The following ADAM19 variants were observed in gnomAD, a reference collection of about 807,000 sequenced individuals.
ADAM19 encodes the protein ADAM metallopeptidase domain 19, also known as disintegrin and metalloproteinase domain-containing protein 19.
Under a neutral mutation model 114.7 loss-of-function variants are expected in ADAM19, and 65 were observed. The ratio of observed to expected loss-of-function variants is 0.57; its 90% CI spans 0.46 to 0.70. ADAM19 has a LOEUF of 0.70. Ranked by LOEUF, ADAM19 falls within the 30% of genes least tolerant of loss-of-function variation. ADAM19 has a pLI of 0.00. For synonymous variants in ADAM19, 466 were observed against 460.5 expected (o/e 1.01, Z -0.15); for missense variants, 1,063 against 1,204.7 (o/e 0.88, Z 1.74).
intron 19 of ADAM19, among the ~76,000 whole-genome samples, chr5:157,489,738 C>T (rs907158794): frequency 6.6e-6 from 1 of 152,236 alleles, no homozygotes; most frequent in Non-Finnish European, 1.5e-5. Context: ...GTAATCCCAG[C>T]ATTTTGGGAG....
intron 5 of ADAM19, among the ~76,000 whole-genome samples, chr5:157,529,255 C>G (rs1430080033): frequency 1.3e-5 from 2 of 150,038 alleles, no homozygotes; most frequent in Admixed American, 1.3e-4. Context: ...ATAGTACAGA[C>G]AATCAAAACC....
At chr5:157,503,186 T>A (rs1250431962) in intron 11 of ADAM19, among the ~76,000 whole-genome samples, 1 of 152,210 alleles carries the variant, frequency 6.6e-6, no homozygotes, top group Admixed American at 6.5e-5. Flanking sequence ...GTTCGTGTCC[T>A]TAGTAGGGAC....
chr5:157,530,105 T>C (rs11750135), intron 5 of ADAM19, among the ~76,000 whole-genome samples: 52,215 of 152,078 alleles, frequency 0.34, 9,575 homozygotes, highest in African/African-American at 0.47. Flanking sequence ...TTACTGACCA[T>C]AGAGGGACTG....
At chr5:157,510,472 C>CA (rs1420099017) in intron 8 of ADAM19, among the ~76,000 whole-genome samples, 13 of 150,378 alleles carry the variant, frequency 8.6e-5, no homozygotes, top group Admixed American at 4.6e-4. Context: ...AACTCCGTCT[C>CA]AAAAAAAAAT....
At chr5:157,535,521 T>G (rs1203863144) in intron 4 of ADAM19, among the ~76,000 whole-genome samples, 1 of 152,008 alleles carries the variant, frequency 6.6e-6, no homozygotes. Flanking sequence ...TTTGCAAGAG[T>G]CTAGTAGCAG....
At chr5:157,516,936 A>G (rs6885962) in intron 7 of ADAM19, among the ~76,000 whole-genome samples, 440 of 27,702 alleles carry the variant, frequency 0.016, 2 homozygotes, top group African/African-American at 0.13. Context: ...AAAACATAGA[A>G]CACACACACA....
intron 4 of ADAM19, 21 bp downstream of exon 4, chr5:157,537,892 C>T (rs1442543915): frequency 1.4e-5 from 23 of 1,603,430 alleles, no homozygotes; most frequent in Non-Finnish European, 1.9e-5. Context: ...GCTGGATAGA[C>T]ATTTGTTGAC....
At position 157,499,564 on chromosome 5, in the gene ADAM19, GC is replaced by G. The variant is rs750484859; in HGVS notation, c.1398+8del. On this transcript the variant is annotated splice_region_variant and intron_variant, in intron 13 of 22. Coordinates refer to ENST00000257527, the MANE Select transcript of ADAM19 (RefSeq NM_033274.5). ...CAGGGCCCAAGGCGTGGAGAAAAGGGCCACTTACCTTACACTGGTGGCAGCA... is the reference window on the plus strand; with the variant it reads ...CAGGGCCCAAGGCGTGGAGAAAAGGGCACTTACCTTACACTGGTGGCAGCA... The G allele has an allele frequency of 6.2e-7, 1 of 1,611,470 alleles. No homozygotes were observed.
Position 157,478,452 on chromosome 5 carries a change from T to A in ADAM19, c.*2497A>T. 1 of 551,766 alleles carries A rather than the reference T, an allele frequency of 1.8e-6. No individual in the cohort carries two copies. The highest frequency in any genetic ancestry group is 2.3e-6 in the Non-Finnish European group (1 of 433,778). 34.2% of individuals were successfully genotyped at this position (551,766 alleles called of 1,614,324 possible). A position where few individuals can be genotyped will look rare whatever the true frequency, so the allele number is the denominator to read the frequency against. Reference sequence around the variant, plus strand: ...TCGGTCGGTCTGAGCCTTTTCACTATTCCCATAAGGCCCCTTCCTCTCCCT... The same window carrying A: ...TCGGTCGGTCTGAGCCTTTTCACTAATCCCATAAGGCCCCTTCCTCTCCCT... On this transcript the variant is annotated 3_prime_UTR_variant, in exon 23 of 23. Coordinates refer to ENST00000257527, the MANE Select transcript of ADAM19 (RefSeq NM_033274.5).
chr5:157,485,571 C>T (rs1005674699), intron 21 of ADAM19, among the ~76,000 whole-genome samples: 3 of 152,232 alleles, frequency 2.0e-5, no homozygotes, highest in Admixed American at 2.0e-4. Context: ...CTGACCAAGG[C>T]TATGTGGCCT....
At chr5:157,484,641 T>C (rs927452192) in intron 21 of ADAM19, among the ~76,000 whole-genome samples, 1 of 152,128 alleles carries the variant, frequency 6.6e-6, no homozygotes, top group Non-Finnish European at 1.5e-5. Context: ...AATCAGAAAC[T>C]AAAGCAAATT....
chr5:157,528,464 T>C (rs1291656659), intron 5 of ADAM19, among the ~76,000 whole-genome samples: 1 of 152,222 alleles, frequency 6.6e-6, no homozygotes, highest in African/African-American at 2.4e-5. Context: ...ACAAACTTTG[T>C]TTACTTGCAG....
At chr5:157,548,043 T>G (rs561303377) in intron 3 of ADAM19, among the ~76,000 whole-genome samples, 2 of 152,342 alleles carry the variant, frequency 1.3e-5, no homozygotes, top group South Asian at 2.1e-4. Context: ...CTTTTCATTT[T>G]CAATGTCATT....
chr5:157,519,451 A>G lies in ADAM19; in HGVS notation c.600+388T>C, dbSNP rs543749458. Among the ~76,000 whole-genome samples the G allele has an allele frequency of 1.6e-3, 240 of 152,180 alleles. 1 individual carries two copies. Among genetic ancestry groups the G allele is most frequent in the South Asian group, 6.0e-3 (29 of 4,814 alleles). ...GGCACCCAGCCATCATGCCCAGCTAATTTTTGTACTTTTAGTAGAGATGGG... is the reference window on the plus strand; with the variant it reads ...GGCACCCAGCCATCATGCCCAGCTAGTTTTTGTACTTTTAGTAGAGATGGG... On this transcript the variant is annotated intron_variant, in intron 6 of 22. Transcript: ENST00000257527.
Position 157,520,019 on chromosome 5 carries a change from C to T in ADAM19, c.420G>A (p.Thr140=), listed in dbSNP as rs571134246. ...STCRGIRGLI[T]VSSNLSYVIE... The stretch of plus-strand genomic sequence containing the variant: ...TGACGTAGCTGAGGTTGCTGCTCAC[C>T]GTAATCAGTCCTCTGTTGAGAGGAG... Residue 140 remains threonine (T), a synonymous_variant, in exon 6 of 23, where the codon ACG becomes ACA. Transcript: ENST00000257527. 7.4e-6 allele frequency: 12 copies of T among 1,613,676 alleles called. No homozygotes were observed. The highest frequency in any genetic ancestry group is 2.2e-5 in the South Asian group (2 of 91,036).
At chr5:157,568,602 T>G (rs1757734459) in intron 2 of ADAM19, 1 of 152,142 alleles carries the variant, frequency 6.6e-6, no homozygotes, top group Non-Finnish European at 1.5e-5. Context: ...AAATAGATCT[T>G]TAGCTCCATA....
chr5:157,477,792 GA>G lies in ADAM19; in HGVS notation c.*3156del. The G allele has an allele frequency of 8.2e-7, 1 of 1,223,576 alleles. No individual in the cohort carries two copies. Among genetic ancestry groups the G allele is most frequent in the Non-Finnish European group, 1.1e-6 (1 of 928,772 alleles). The allele number at this position is 1,223,576 out of a possible 1,614,324, so 75.8% of individuals were successfully genotyped here. On this transcript the variant is annotated 3_prime_UTR_variant, in exon 23 of 23. Coordinates refer to ENST00000257527, the MANE Select transcript of ADAM19 (RefSeq NM_033274.5). The stretch of plus-strand genomic sequence containing the variant: ...AGGGAGAGACTTCCAATAAAGATTG[GA>G]AAGGCGTATTGCAGGAGGTGGGGAG...
intron 3 of ADAM19, among the ~76,000 whole-genome samples, chr5:157,554,422 C>T (rs993374019): frequency 2.0e-5 from 3 of 152,204 alleles, no homozygotes; most frequent in Non-Finnish European, 2.9e-5. Flanking sequence ...GAAGGAGAGC[C>T]GGAACCAGTG....
rs1319164295 is a variant in ADAM19 at position 157,546,315 on chromosome 5, C to T, written c.252-8324G>A. Among the ~76,000 whole-genome samples the T allele has an allele frequency of 5.3e-5, 8 of 152,286 alleles. No homozygotes were observed. The East Asian group carries it at 9.7e-4, about 18-fold the overall frequency. ...GAAGGGATGTATATGTGCACGCACA[C>T]GTGTGTGCATGCATGTGTGCGTGTT... On this transcript the variant is annotated intron_variant, in intron 3 of 22. Coordinates refer to ENST00000257527, the MANE Select transcript of ADAM19 (RefSeq NM_033274.5).
Sources: allele counts gnomAD v4.1 joint callset (sites outside exome capture counted in the v4.1 genomes callset), GRCh38; gene constraint gnomAD v4.1.1; transcripts MANE v1.5; gene names NCBI Gene and HGNC (gene_info 2026-07-23, HGNC 2026-07-21).